XPO7: variants seen among roughly 807,000 people sequenced by gnomAD.
XPO7 encodes the protein exportin 7, also known as exportin-7.
In XPO7, 21 loss-of-function variants were observed where a neutral mutation model predicts 144.3. That is an observed-to-expected ratio of 0.15 (90% CI 0.10 to 0.21). The LOEUF (loss-of-function observed/expected upper bound fraction) is 0.21. XPO7 is among the 10% of genes least tolerant of loss of function. XPO7 has a pLI of 1.00. For synonymous variants in XPO7, 580 were observed against 499.6 expected, an observed-to-expected ratio of 1.16 and a Z score of -2.15; for missense variants, 808 against 1,325.8, an observed-to-expected ratio of 0.61 and a Z score of 6.06.
chr8:21,941,159 A>G (rs1307193430), intron 1 of XPO7, among the ~76,000 whole-genome samples: 1 of 147,676 alleles, frequency 6.8e-6, no homozygotes, highest in African/African-American at 2.5e-5. Flanking sequence ...TCCCTTTGAG[A>G]TGAGGTCTTG....
At chr8:21,952,695 G>A (rs1320947254) in intron 1 of XPO7, among the ~76,000 whole-genome samples, 1 of 152,214 alleles carries the variant, frequency 6.6e-6, no homozygotes, top group East Asian at 1.9e-4. Context: ...GCCACGCTTG[G>A]TTACGTTGGC....
intron 9 of XPO7, among the ~76,000 whole-genome samples, chr8:21,980,900 A>G (rs954825503): frequency 1.3e-5 from 2 of 152,148 alleles, no homozygotes; most frequent in African/African-American, 2.4e-5. Context: ...TTCAAACGTT[A>G]ATTTCATAAC....
chr8:21,988,952 AC>A, intron 15 of XPO7, 50 bp from the exon 16 acceptor site: 1 of 1,565,804 alleles, frequency 6.4e-7, no homozygotes, highest in Non-Finnish European at 8.7e-7. Flanking sequence ...CCTCAAGGAA[AC>A]CAGCAAATCA....
At chr8:21,922,162 C>T (rs145775323) in intron 1 of XPO7, among the ~76,000 whole-genome samples, 1 of 152,068 alleles carries the variant, frequency 6.6e-6, no homozygotes, top group East Asian at 1.9e-4. Context: ...ATTATGTTAT[C>T]TAGTGCTTTT....
intron 1 of XPO7, among the ~76,000 whole-genome samples, chr8:21,928,190 T>C (rs1563308664): frequency 6.6e-6 from 1 of 152,266 alleles, no homozygotes; most frequent in Non-Finnish European, 1.5e-5. Context: ...ACTTACTGTA[T>C]ACTCTTGTTT....
chr8:21,920,829 G>A (rs1396265839), intron 1 of XPO7, among the ~76,000 whole-genome samples: 3 of 152,186 alleles, frequency 2.0e-5, no homozygotes, highest in Non-Finnish European at 4.4e-5. Flanking sequence ...AAAGATTAGA[G>A]GGCAAGAAGT....
At chr8:21,965,389 T>A in intron 1 of XPO7, among the ~76,000 whole-genome samples, 1 of 152,230 alleles carries the variant, frequency 6.6e-6, no homozygotes, top group Non-Finnish European at 1.5e-5. Context: ...GTGAATAAAC[T>A]CAGGTACTAC....
At chr8:21,970,702 A>G (rs1029779550) in intron 4 of XPO7, among the ~76,000 whole-genome samples, 1 of 152,226 alleles carries the variant, frequency 6.6e-6, no homozygotes. Flanking sequence ...GATATTTCCA[A>G]GTTATCCTCA....
chr8:21,959,043 G>T (rs1811635230), intron 1 of XPO7, among the ~76,000 whole-genome samples: 1 of 151,718 alleles, frequency 6.6e-6, no homozygotes, highest in Admixed American at 6.6e-5. Flanking sequence ...TCAAATTGTT[G>T]ACCACTCTGT....
chr8:21,920,140 CGAGGGGGACCCCCTTGCTGACTTTACT>C (rs1007198683), intron 1 of XPO7, among the ~76,000 whole-genome samples: 6 of 138,594 alleles, frequency 4.3e-5, no homozygotes, highest in South Asian at 5.4e-4. Flanking sequence ...CCCGGTGAAG[CGAGGGGGACCCCCTTGCTGACTTTACT>C]GAGGGGGACG....
At chr8:21,987,639 A>T in intron 14 of XPO7, 145 bp from the exon 15 acceptor site, 1 of 906,868 alleles carries the variant, frequency 1.1e-6, no homozygotes, top group African/African-American at 1.7e-5. Context: ...AATACTTGGA[A>T]ACTAGCTTAT....
At chr8:21,998,089 A>G (rs1325556110) in intron 21 of XPO7, among the ~76,000 whole-genome samples, 1 of 152,232 alleles carries the variant, frequency 6.6e-6, no homozygotes, top group Non-Finnish European at 1.5e-5. Context: ...ATAAAGGTCC[A>G]TGCCAACTAA....
At position 21,973,410 on chromosome 8, in the gene XPO7, A is replaced by G. The variant is rs549525859; in HGVS notation, c.493-1260A>G. ...TGTTATGATCAATATAACAGATTGT[A>G]TGATACATAATCTAGCAAGACCTTT... On this transcript the variant is annotated intron_variant, in intron 5 of 27. Transcript: ENST00000252512. Among the ~76,000 whole-genome samples, 7 of 152,362 alleles carry G rather than the reference A, an allele frequency of 4.6e-5. No homozygotes were observed. The East Asian group carries it at 1.2e-3, about 25-fold the overall frequency.
chr8:21,961,014 G>T (rs549267858), intron 1 of XPO7, among the ~76,000 whole-genome samples: 27 of 152,148 alleles, frequency 1.8e-4, no homozygotes, highest in Non-Finnish European at 4.0e-4. Context: ...CACAAACTCA[G>T]TGAATTTTCA....
chr8:21,922,959 A>G (rs570559629), intron 1 of XPO7, among the ~76,000 whole-genome samples: 2 of 152,312 alleles, frequency 1.3e-5, no homozygotes, highest in South Asian at 4.1e-4. Context: ...GGAGTTGTGA[A>G]GAATCATTAC....
intron 9 of XPO7, 21 bp downstream of exon 9, chr8:21,980,224 A>G (rs1198438597): frequency 6.4e-7 from 1 of 1,562,268 alleles, no homozygotes; most frequent in Non-Finnish European, 8.7e-7. Context: ...CTGAGAATTT[A>G]CATATGTATA....
In XPO7 at chr8:21,920,375, C is replaced by T. The variant is rs938423626; in HGVS notation, c.18+587C>T. 2.0e-5 allele frequency among the ~76,000 whole-genome samples: 3 copies of T among 152,064 alleles called. No individual in the cohort carries two copies. The South Asian group carries it at 6.2e-4, about 32-fold the overall frequency. On this transcript the variant is annotated intron_variant, in intron 1 of 27. Coordinates refer to ENST00000252512, the MANE Select transcript of XPO7 (RefSeq NM_015024.5). ...ACTCCAAATCGTACAGCCCGGAGGG[C>T]CGAGCTCCCCGGTCTTCCAAAATGG...
At chr8:21,937,591 C>T (rs890007237) in intron 1 of XPO7, among the ~76,000 whole-genome samples, 2 of 152,110 alleles carry the variant, frequency 1.3e-5, no homozygotes, top group African/African-American at 4.8e-5. Flanking sequence ...CATTTGTCAA[C>T]CCAGGGAAGG....
At chr8:21,990,514 A>G in intron 17 of XPO7, 107 bp downstream of exon 17, 1 of 1,289,800 alleles carries the variant, frequency 7.8e-7, no homozygotes, top group Non-Finnish European at 1.1e-6. Context: ...TGCTACAGCA[A>G]AGACGGTGGT....
Sources: allele counts gnomAD v4.1 joint callset (sites outside exome capture counted in the v4.1 genomes callset), GRCh38; gene constraint gnomAD v4.1.1; transcripts MANE v1.5; gene names NCBI Gene and HGNC (gene_info 2026-07-23, HGNC 2026-07-21).